Variants in POSTN observed in about 807,000 individuals in gnomAD.
POSTN encodes the protein osteoblast specific factor 2 (fasciclin I-like).
Under a neutral mutation model 104.5 loss-of-function variants are expected in POSTN, and 71 were observed. The observed-to-expected ratio is 0.68, with a 90% confidence interval of 0.56 to 0.83. The LOEUF is 0.83. Ranked by LOEUF, POSTN falls within the 40% of genes least tolerant of loss-of-function variation. The probability of loss-of-function intolerance (pLI) is 0.00; values close to 1 mark genes in which losing one functional copy is unlikely to be tolerated. For synonymous variants in POSTN, 355 were observed against 340.7 expected (o/e 1.04, Z -0.46); for missense variants, 949 against 1,006.8 (o/e 0.94, Z 0.78).
intron 2 of POSTN, among the ~76,000 whole-genome samples, chr13:37,593,146 A>C (rs953607427): frequency 2.0e-5 from 3 of 151,292 alleles, no homozygotes; most frequent in African/African-American, 7.3e-5. Flanking sequence ...GTTAAGTTCT[A>C]TAGGCAATAA....
At chr13:37,566,353 A>G (rs1403023169) in intron 21 of POSTN, among the ~76,000 whole-genome samples, 2 of 152,184 alleles carry the variant, frequency 1.3e-5, no homozygotes, top group African/African-American at 4.8e-5. Flanking sequence ...TGTTTTTTGT[A>G]TGTTTCCATG....
At chr13:37,595,811 CT>C (rs5802886) in intron 2 of POSTN, among the ~76,000 whole-genome samples, 17,782 of 137,384 alleles carry the variant, frequency 0.13, 1,118 homozygotes, top group Middle Eastern at 0.22. Context: ...TATTTAGTAT[CT>C]TTTTTTTTTT....
intron 22 of POSTN, 121 bp downstream of exon 22, chr13:37,564,398 C>G (rs1375411656): frequency 3.3e-6 from 2 of 611,996 alleles, no homozygotes; most frequent in South Asian, 2.6e-5. Context: ...AACTGGCTAG[C>G]TTTTCTCTCT....
At chr13:37,582,871 T>A (rs1190816718) in intron 9 of POSTN, among the ~76,000 whole-genome samples, 1 of 152,202 alleles carries the variant, frequency 6.6e-6, no homozygotes, top group Admixed American at 6.5e-5. Flanking sequence ...ATGAAAGAAC[T>A]ACTGATGAAT....
At position 37,590,391 on chromosome 13, in the gene POSTN, G is replaced by A; in HGVS notation, c.422C>T (p.Ala141Val). Reference sequence around the variant, plus strand: ...AATTACAGAATCCAAGTTGTCCCAAGCCTCATTACTCGGTGCAAAGTAAGT... The same window carrying A: ...AATTACAGAATCCAAGTTGTCCCAAACCTCATTACTCGGTGCAAAGTAAGT... ...SFTYFAPSNE[A>V]WDNLDSDIRR... The change falls in exon 4 of 23, where the codon GCT (alanine) becomes GTT (valine). Residue 141 changes from alanine to valine, a missense_variant. Transcript: ENST00000379747. The A allele has an allele frequency of 1.9e-6, 3 of 1,586,928 alleles. No individual in the cohort carries two copies. Among genetic ancestry groups the A allele is most frequent in the Non-Finnish European group, 2.6e-6 (3 of 1,165,164 alleles).
At chr13:37,580,138 CT>C in intron 11 of POSTN, 147 bp from the exon 12 acceptor site, 1 of 783,140 alleles carries the variant, frequency 1.3e-6, no homozygotes, top group Non-Finnish European at 2.0e-6. Context: ...TACAATTTAC[CT>C]GTTAAAAGTT....
chr13:37,574,475 TGTTA>T, intron 17 of POSTN, 93 bp downstream of exon 17: 1 of 1,416,308 alleles, frequency 7.1e-7, no homozygotes, highest in Middle Eastern at 2.5e-4. Context: ...ACATTTAACA[TGTTA>T]GTTTTTAAAA....
At chr13:37,570,889 A>T in intron 18 of POSTN, 1 of 460,546 alleles carries the variant, frequency 2.2e-6, no homozygotes, top group Non-Finnish European at 3.9e-6. Context: ...GGGCCATTTG[A>T]CATCCTAACT....
intron 3 of POSTN, among the ~76,000 whole-genome samples, chr13:37,591,417 G>T (rs1468053865): frequency 6.6e-6 from 1 of 152,146 alleles, no homozygotes; most frequent in Non-Finnish European, 1.5e-5. Flanking sequence ...TCTTGGTATT[G>T]TCTTAAATGC....
chr13:37,564,524 AC>A lies in POSTN; in HGVS notation c.2467del (p.Val823PhefsTer8). 6.3e-7 allele frequency: 1 copy of A among 1,594,368 alleles called. No individual in the cohort carries two copies. The highest frequency in any genetic ancestry group is 1.1e-5 in the South Asian group (1 of 89,816). On this transcript the variant is annotated frameshift_variant, in exon 22 of 23. Coordinates refer to ENST00000379747, the MANE Select transcript of POSTN (RefSeq NM_006475.3). LOFTEE classifies it high-confidence loss of function. ...PVRKLQANKKVQGSRRRLREG... is the reference protein window; with the variant it reads ...PVRKLQANKKXQGSRRRLREG... ...ACTATAGCCAATACACTTACCTTGAACTTTTTTGTTGGCTTGCAACTTCCTC... is the reference window on the plus strand; with the variant it reads ...ACTATAGCCAATACACTTACCTTGAATTTTTTGTTGGCTTGCAACTTCCTC...
intron 17 of POSTN, among the ~76,000 whole-genome samples, chr13:37,572,558 C>T (rs867003539): frequency 5.3e-5 from 8 of 151,380 alleles, no homozygotes; most frequent in Non-Finnish European, 1.0e-4. Flanking sequence ...TTTAGAAAAG[C>T]CAAACTGAAA....
At chr13:37,575,330 A>G (rs1420813521) in intron 16 of POSTN, among the ~76,000 whole-genome samples, 3 of 151,790 alleles carry the variant, frequency 2.0e-5, no homozygotes, top group Non-Finnish European at 1.5e-5. Flanking sequence ...TCGTCTACCT[A>G]AGTAAGATAA....
Position 37,569,368 on chromosome 13 carries a change from G to C in POSTN, c.2363C>G (p.Thr788Ser), listed in dbSNP as rs1326618562. 1.2e-6 allele frequency: 2 copies of C among 1,611,834 alleles called. No homozygotes were observed. The highest frequency in any genetic ancestry group is 1.3e-5 in the African/African-American group (1 of 74,792). The change falls in exon 21 of 23, where the codon ACC becomes AGC. Residue 788 changes from threonine (T) to serine (S), a missense_variant. Thr to Ser is a moderately conservative substitution (Grantham distance 58, BLOSUM62 1). Transcript: ENST00000379747. ...KLLQEEVTKV[T>S]KFIEGGDGHL... is the part of the protein sequence containing the mutation. Reference sequence around the variant, plus strand: ...ACCATCACCACCTTCAATGAATTTGGTGACCTTGGTGACCTCTGAGAGGAT... The same window carrying C: ...ACCATCACCACCTTCAATGAATTTGCTGACCTTGGTGACCTCTGAGAGGAT...
rs1950199561 is a variant in POSTN, at chr13:37,569,420, T to C, written c.2348-37A>G. The C allele has an allele frequency of 4.7e-6, 7 of 1,482,188 alleles. No homozygotes were observed. The East Asian group carries it at 6.8e-5, about 14-fold the overall frequency. 91.8% of individuals were successfully genotyped at this position (1,482,188 alleles called of 1,614,324 possible). A position where few individuals can be genotyped will look rare whatever the true frequency, so the allele number is the denominator to read the frequency against. The stretch of plus-strand genomic sequence containing the variant: ...CATGTTTATAGCAGAAATTGGTTTA[T>C]ATAACAAAATAAAGACAGCAGACTT... On this transcript the variant is annotated intron_variant, in intron 20 of 22. Coordinates refer to ENST00000379747, the MANE Select transcript of POSTN (RefSeq NM_006475.3).
intron 5 of POSTN, among the ~76,000 whole-genome samples, chr13:37,587,309 A>G (rs989570828): frequency 1.1e-4 from 17 of 152,194 alleles, no homozygotes; most frequent in African/African-American, 3.6e-4. Flanking sequence ...GGAGAAACAA[A>G]TAATTATTGT....
intron 21 of POSTN, among the ~76,000 whole-genome samples, chr13:37,568,366 A>G (rs924711337): frequency 5.9e-5 from 9 of 152,130 alleles, no homozygotes; most frequent in Admixed American, 5.9e-4. Flanking sequence ...AGAAAGTCCC[A>G]AGATAATTTA....
At chr13:37,569,496 C>T (rs992782272) in intron 20 of POSTN, 113 bp from the exon 21 acceptor site, 20 of 923,612 alleles carry the variant, frequency 2.2e-5, no homozygotes, top group Admixed American at 5.7e-5. Flanking sequence ...GCCCAACACT[C>T]GATTCTTTCA....
chr13:37,589,125 A>G (rs9576310), intron 4 of POSTN, among the ~76,000 whole-genome samples: 36,298 of 151,996 alleles, frequency 0.24, 4,952 homozygotes, highest in East Asian at 0.68. Flanking sequence ...TGTTTTAGAT[A>G]ACTTTTGTTT....
rs1400050105 is a variant in POSTN at position 37,584,796 on chromosome 13, A to G, written c.1028T>C (p.Ile343Thr). ...AATATCCTTTTTGTTCACCATTTTG[A>G]TTCCATTTACTGTTATACTGTCACC... ...CDGDSITVNG[I>T]KMVNKKDIVT... is the part of the protein sequence containing the mutation. Residue 343 changes from isoleucine to threonine, a missense_variant, in exon 8 of 23, where the codon ATC (isoleucine) becomes ACC (threonine). Ile to Thr is a moderately conservative substitution (Grantham distance 89, BLOSUM62 -1). Coordinates refer to ENST00000379747, the MANE Select transcript of POSTN (RefSeq NM_006475.3). The G allele has an allele frequency of 9.9e-6, 16 of 1,613,932 alleles. No homozygotes were observed. The highest frequency in any genetic ancestry group is 1.4e-5 in the Non-Finnish European group (16 of 1,179,908).
Sources: allele counts gnomAD v4.1 joint callset (sites outside exome capture counted in the v4.1 genomes callset), GRCh38; gene constraint gnomAD v4.1.1; transcripts MANE v1.5; gene names NCBI Gene and HGNC (gene_info 2026-07-23, HGNC 2026-07-21).